The following TP53I11 variants were observed in gnomAD, a reference collection of about 807,000 sequenced individuals.
TP53I11 encodes tumor protein p53-inducible protein 11.
TP53I11 carries 9 observed loss-of-function variants against 23.3 expected under a neutral mutation model. That is an observed-to-expected ratio of 0.39 (90% confidence interval 0.23 to 0.67). The LOEUF (loss-of-function observed/expected upper bound fraction) is 0.67, where lower values mean the gene tolerates loss of function less well. Ranked by LOEUF, TP53I11 falls within the 30% of genes least tolerant of loss-of-function variation. The pLI, the probability that TP53I11 is intolerant of heterozygous loss-of-function variation, is 0.48. For missense variants in TP53I11, 170 were observed against 255.2 expected, an observed-to-expected ratio of 0.67 and a Z score of 2.27; for synonymous variants, 100 against 106.1, an observed-to-expected ratio of 0.94 and a Z score of 0.35.
At chr11:44,938,480 C>G in intron 1 of TP53I11, 114 bp from the exon 2 acceptor site, 2 of 1,267,506 alleles carry the variant, frequency 1.6e-6, no homozygotes, top group African/African-American at 1.5e-5. Context: ...GAGGCCTCCC[C>G]ACGAGCCCAG....
intron 1 of TP53I11, chr11:44,950,092 C>T (rs1351583648): frequency 6.6e-6 from 1 of 152,274 alleles, no homozygotes; most frequent in African/African-American, 2.4e-5. Flanking sequence ...CCCAGAAGGT[C>T]GGGCCAGACT....
chr11:44,938,589 A>G (rs2135443559), intron 1 of TP53I11, among the ~76,000 whole-genome samples: 1 of 152,350 alleles, frequency 6.6e-6, no homozygotes, highest in Non-Finnish European at 1.5e-5. Context: ...GTAGGTGGAC[A>G]CAGCACACCC....
Position 44,938,234 on chromosome 11 carries a change from A to T in TP53I11, c.102T>A (p.Asp34Glu), listed in dbSNP as rs763244548. 6.2e-7 allele frequency: 1 copy of T among 1,613,216 alleles called. No homozygotes were observed. The highest frequency in any genetic ancestry group is 8.5e-7 in the Non-Finnish European group (1 of 1,179,724). Residue 34 changes from aspartate (D) to glutamate (E), a missense_variant, in exon 2 of 7, where the codon GAT (aspartate) becomes GAA (glutamate). Coordinates refer to ENST00000525680, the MANE Select transcript of TP53I11 (RefSeq NM_006034.5). ...TRKILGVGGEDDDGEVHRSKI... is the reference protein window; with the variant it reads ...TRKILGVGGEEDDGEVHRSKI... ...TGGAGCGATGCACCTCCCCGTCGTCATCCTCCCCGCCCACGCCGAGGATCT... is the reference window on the plus strand; with the variant it reads ...TGGAGCGATGCACCTCCCCGTCGTCTTCCTCCCCGCCCACGCCGAGGATCT...
rs999429878 is a variant in TP53I11, at chr11:44,936,995, G to A, written c.238-96C>T. 3.3e-6 allele frequency: 3 copies of A among 909,570 alleles called. No homozygotes were observed. Among genetic ancestry groups the A allele is most frequent in the Non-Finnish European group, 5.0e-6 (3 of 598,340 alleles). 56.3% of individuals were successfully genotyped at this position (909,570 alleles called of 1,614,324 possible). On this transcript the variant is annotated intron_variant, in intron 4 of 6. Transcript: ENST00000525680. The surrounding 1 kb of genome is among the most constrained non-coding windows in gnomAD (Gnocchi z 4.4). ...CAGACGTCTTCCTTCCCCGCCAGGAGCAGGATCAGCATCCTTGGGGGCAGT... is the reference window on the plus strand; with the variant it reads ...CAGACGTCTTCCTTCCCCGCCAGGAACAGGATCAGCATCCTTGGGGGCAGT...
chr11:44,937,002 C>T (rs1861210635), intron 4 of TP53I11, 103 bp from the exon 5 acceptor site: 3 of 895,748 alleles, frequency 3.3e-6, no homozygotes, highest in African/African-American at 1.7e-5. Context: ...GGAGCAGGAT[C>T]AGCATCCTTG....
At chr11:44,943,486 T>A (rs185998905) in intron 1 of TP53I11, among the ~76,000 whole-genome samples, 6 of 152,292 alleles carry the variant, frequency 3.9e-5, no homozygotes, top group African/African-American at 1.4e-4. Flanking sequence ...ACCTTTCCCT[T>A]CTGCCCTGCC....
chr11:44,935,516 C>T (rs568234951), intron 6 of TP53I11, 45 bp downstream of exon 6: 116 of 1,578,080 alleles, frequency 7.4e-5, no homozygotes, highest in East Asian at 1.1e-4. Context: ...AGGTCAGGGG[C>T]GAAGCGGCCC....
intron 3 of TP53I11, 92 bp downstream of exon 3, chr11:44,937,463 C>T (rs1861276488): frequency 6.5e-7 from 1 of 1,536,986 alleles, no homozygotes; most frequent in African/African-American, 1.4e-5. Flanking sequence ...AAAATAAAAT[C>T]CAGGGACCAG....
At position 44,937,348 on chromosome 11, in the gene TP53I11, A is replaced by G; in HGVS notation, c.193T>C (p.Trp65Arg). 1.4e-6 allele frequency: 2 copies of G among 1,478,766 alleles called. No homozygotes were observed. The allele number at this position is 1,478,766 out of a possible 1,614,324, so 91.6% of individuals were successfully genotyped here. The change falls in exon 4 of 7, where the codon TGG becomes CGG. Residue 65 changes from tryptophan (W) to arginine (R), a missense_variant. Transcript: ENST00000525680. ...AAGAGCACAGCAGAGACGAACTGCCAGACCCTGGGAGGCGTGGAAAGAAGA... is the reference window on the plus strand; with the variant it reads ...AAGAGCACAGCAGAGACGAACTGCCGGACCCTGGGAGGCGTGGAAAGAAGA... ...TIREPLGLRV[W>R]QFVSAVLFSG... is the part of the protein sequence containing the mutation.
intron 1 of TP53I11, among the ~76,000 whole-genome samples, chr11:44,944,708 A>G (rs1862222481): frequency 6.6e-6 from 1 of 152,184 alleles, no homozygotes; most frequent in South Asian, 2.1e-4. Flanking sequence ...CTATGTCCTC[A>G]TCTGTGAAAC....
At position 44,937,623 on chromosome 11, in the gene TP53I11, G is replaced by A. The variant is rs201702449; in HGVS notation, c.130-10C>T. ...CTAAGACCTGGCTGATCTGTGGACA[G>A]AGGGGGTCAGAGGCAACCAGGGTGA... On this transcript the variant is annotated splice_polypyrimidine_tract_variant and intron_variant, in intron 2 of 6. Coordinates refer to ENST00000525680, the MANE Select transcript of TP53I11 (RefSeq NM_006034.5). The A allele has an allele frequency of 2.9e-5, 46 of 1,612,738 alleles. No individual in the cohort carries two copies. Among genetic ancestry groups the A allele is most frequent in the Non-Finnish European group, 3.9e-5 (46 of 1,179,874 alleles).
chr11:44,935,159 C>T, intron 6 of TP53I11, 142 bp from the exon 7 acceptor site: 15 of 1,157,622 alleles, frequency 1.3e-5, no homozygotes, highest in Non-Finnish European at 1.8e-5. Flanking sequence ...AAGCACAGGA[C>T]CTGCCCCCTG....
In TP53I11 at chr11:44,932,443, G is replaced by C. The variant is rs1012537484; in HGVS notation, c.*2441C>G. ...CGTGAAGAAAGGTGGTCTTGATTTG[G>C]GGTTGGGGATAGACTGGGGCGAGGC... is the stretch of plus-strand genomic sequence containing the variant. On this transcript the variant is annotated 3_prime_UTR_variant, in exon 7 of 7. Coordinates refer to ENST00000525680, the MANE Select transcript of TP53I11 (RefSeq NM_006034.5). 1 of 152,310 alleles carries C rather than the reference G, an allele frequency of 6.6e-6. No homozygotes were observed. Among genetic ancestry groups the C allele is most frequent in the Non-Finnish European group, 1.5e-5 (1 of 68,082 alleles). The allele number at this position is 152,310 out of a possible 1,614,324, so 9.4% of individuals were successfully genotyped here. A position where few individuals can be genotyped will look rare whatever the true frequency, so the allele number is the denominator to read the frequency against.
chr11:44,943,821 T>C (rs16933), intron 1 of TP53I11, among the ~76,000 whole-genome samples: 45,939 of 152,020 alleles, frequency 0.3, 7,444 homozygotes, highest in Middle Eastern at 0.36. Context: ...CCTCCGTGTA[T>C]CTCCCCGTGA....
intron 1 of TP53I11, among the ~76,000 whole-genome samples, chr11:44,938,900 G>A (rs1309666677): frequency 1.3e-5 from 2 of 152,154 alleles, no homozygotes; most frequent in Non-Finnish European, 2.9e-5. Flanking sequence ...CAAAGAAGGG[G>A]AGGGGGTGCC....
At chr11:44,942,064 CAT>C (rs1861853217) in intron 1 of TP53I11, among the ~76,000 whole-genome samples, 2 of 146,662 alleles carry the variant, frequency 1.4e-5, no homozygotes, top group South Asian at 4.3e-4. Context: ...ACACCACACA[CAT>C]ACCACACACA....
chr11:44,940,005 C>T (rs1453103318), intron 1 of TP53I11, among the ~76,000 whole-genome samples: 1 of 152,226 alleles, frequency 6.6e-6, no homozygotes, highest in East Asian at 1.9e-4. Flanking sequence ...CCTACCCTGC[C>T]AGGGAAGCCA....
chr11:44,932,842 G>GA lies in TP53I11; in HGVS notation c.*2041dup, dbSNP rs1860683266. ...CACGCCACCCTCCCATCCCACAGTT[G>GA]AGTGTGGAAGACTGGATGTCTCAGG... On this transcript the variant is annotated 3_prime_UTR_variant, in exon 7 of 7. Transcript: ENST00000525680. 1 of 152,318 alleles carries GA rather than the reference G, an allele frequency of 6.6e-6. No individual in the cohort carries two copies. The highest frequency in any genetic ancestry group is 2.4e-5 in the African/African-American group (1 of 41,462). The allele number at this position is 152,318 out of a possible 1,614,324, so 9.4% of individuals were successfully genotyped here.
chr11:44,947,040 G>A, intron 1 of TP53I11: 1 of 456,362 alleles, frequency 2.2e-6, no homozygotes, highest in South Asian at 1.5e-5. Flanking sequence ...ATTCCTTACT[G>A]TGCTGAAGAG....
Sources: gnomAD v4.1 joint callset for allele counts (sites outside exome capture counted in the v4.1 genomes callset) on GRCh38, gnomAD v4.1.1 for gene constraint, Gnocchi (gnomAD v3.1) non-coding constraint, MANE v1.5 for transcripts, NCBI Gene and HGNC (gene_info 2026-07-23, HGNC 2026-07-21) for gene names.